ELMO2: variants seen among roughly 807,000 people sequenced by gnomAD.
The protein encoded by ELMO2 is engulfment and cell motility 2.
ELMO2 carries 37 observed loss-of-function variants against 96.2 expected under a neutral mutation model. The observed-to-expected ratio is 0.38, with a 90% CI of 0.30 to 0.51. The LOEUF is 0.51. Among genes scored for constraint, ELMO2 ranks in the 20% least tolerant of loss-of-function variants. The pLI is 0.88. For missense variants in ELMO2, 561 were observed against 912.6 expected, an observed-to-expected ratio of 0.61 and a Z score of 4.96; for synonymous variants, 315 against 329.4, an observed-to-expected ratio of 0.96 and a Z score of 0.47.
chr20:46,373,635 G>T (rs1902356139), intron 15 of ELMO2, 100 bp from the exon 16 acceptor site: 2 of 1,475,824 alleles, frequency 1.4e-6, no homozygotes, highest in African/African-American at 1.4e-5. Context: ...AGGAACAAAA[G>T]CAGCCTAAGG....
intron 1 of ELMO2, among the ~76,000 whole-genome samples, chr20:46,403,821 C>T (rs149899705): frequency 1.3e-5 from 2 of 152,192 alleles, no homozygotes; most frequent in African/African-American, 2.4e-5. Context: ...CCGTGGCTCA[C>T]GCCTGTAATC....
chr20:46,390,758 G>A (rs1280479690), intron 6 of ELMO2: 1 of 152,206 alleles, frequency 6.6e-6, no homozygotes, highest in African/African-American at 2.4e-5. Flanking sequence ...TGTTAAGCAA[G>A]TGACTGGAGC....
chr20:46,387,598 T>A, intron 7 of ELMO2, 161 bp from the exon 8 acceptor site: 1 of 393,634 alleles, frequency 2.5e-6, no homozygotes, highest in South Asian at 7.2e-5. Context: ...ACCTAGCCAG[T>A]GTAGAGCAGA....
chr20:46,371,428 G>A lies in ELMO2; in HGVS notation c.1725C>T (p.Asn575=). ...AGTCACCATAGTGAAGGACCTTGTGGTTCAGTGCCAACCGGCAGTACCAGA... is the reference window on the plus strand; with the variant it reads ...AGTCACCATAGTGAAGGACCTTGTGATTCAGTGCCAACCGGCAGTACCAGA... ...ERFWYCRLAL[N]HKVLHYGDLD... is the part of the protein sequence containing the mutation. Residue 575 remains asparagine (N), a synonymous_variant, in exon 19 of 22, where the codon AAC becomes AAT. Transcript: ENST00000290246. The surrounding 1 kb of genome is among the most constrained non-coding windows in gnomAD (Gnocchi z 5.9). The A allele has an allele frequency of 1.2e-6, 2 of 1,614,244 alleles. No homozygotes were observed. The highest frequency in any genetic ancestry group is 1.1e-5 in the South Asian group (1 of 91,088).
intron 1 of ELMO2, among the ~76,000 whole-genome samples, chr20:46,404,463 C>CAGATAGAGATTAGG (rs2145867133): frequency 6.6e-6 from 1 of 152,316 alleles, no homozygotes; most frequent in African/African-American, 2.4e-5. Flanking sequence ...TGAAGATGAA[C>CAGATAGAGATTAGG]AGATAGAGGT....
intron 10 of ELMO2, among the ~76,000 whole-genome samples, chr20:46,382,601 A>T (rs1435653128): frequency 1.3e-5 from 2 of 152,250 alleles, no homozygotes; most frequent in Non-Finnish European, 2.9e-5. Flanking sequence ...GAGACCCAAA[A>T]AGAGGTTACA....
At chr20:46,370,843 G>T (rs1390006632) in intron 19 of ELMO2, among the ~76,000 whole-genome samples, 3 of 152,086 alleles carry the variant, frequency 2.0e-5, no homozygotes, top group African/African-American at 4.8e-5. Flanking sequence ...CAATAATGGC[G>T]ATGATGATGC....
intron 19 of ELMO2, 89 bp from the exon 20 acceptor site, chr20:46,370,614 G>A: frequency 8.1e-7 from 1 of 1,235,098 alleles, no homozygotes; most frequent in African/African-American, 1.5e-5. Flanking sequence ...TACTGGGGCA[G>A]ATGCATAGGA....
intron 6 of ELMO2, among the ~76,000 whole-genome samples, chr20:46,390,036 C>G (rs546167090): frequency 6.6e-6 from 1 of 151,830 alleles, no homozygotes; most frequent in Admixed American, 6.6e-5. Context: ...GCCTGTAATC[C>G]CAGCTACTCA....
chr20:46,391,597 A>G (rs1253093709), intron 6 of ELMO2, among the ~76,000 whole-genome samples: 1 of 152,098 alleles, frequency 6.6e-6, no homozygotes, highest in African/African-American at 2.4e-5. Context: ...TGTCTTCTTC[A>G]TGGGCCTAGC....
chr20:46,404,773 T>G (rs1052945945), intron 1 of ELMO2, among the ~76,000 whole-genome samples: 2 of 152,226 alleles, frequency 1.3e-5, no homozygotes, highest in Admixed American at 1.3e-4. Flanking sequence ...GTTTTAATAT[T>G]GATTATGTTA....
At chr20:46,369,954 G>A in intron 20 of ELMO2, 1 of 223,078 alleles carries the variant, frequency 4.5e-6, no homozygotes. Flanking sequence ...GACAAGATGG[G>A]TATGGGGGTG....
intron 10 of ELMO2, among the ~76,000 whole-genome samples, chr20:46,382,842 G>A (rs2059980700): frequency 6.6e-6 from 1 of 152,230 alleles, no homozygotes; most frequent in Admixed American, 6.5e-5. Context: ...TAATGTCACA[G>A]TTAATGAACA....
intron 1 of ELMO2, among the ~76,000 whole-genome samples, chr20:46,399,999 T>G (rs2060309445): frequency 6.6e-6 from 1 of 152,090 alleles, no homozygotes; most frequent in Non-Finnish European, 1.5e-5. Context: ...TAGCTGGGCA[T>G]GGTGGCGTGT....
At chr20:46,370,590 T>C in intron 19 of ELMO2, 65 bp from the exon 20 acceptor site, 1 of 1,480,136 alleles carries the variant, frequency 6.8e-7, no homozygotes, top group Non-Finnish European at 9.4e-7. Context: ...CCTACATCAG[T>C]GCTGGAAGGG....
chr20:46,369,836 T>C (rs2059659822), intron 20 of ELMO2: 1 of 186,620 alleles, frequency 5.4e-6, no homozygotes, highest in Non-Finnish European at 1.0e-5. Context: ...AAACAAGCAA[T>C]CTGGTTCTTC....
rs577136832 is a variant in ELMO2, at chr20:46,398,260, A to G, written c.-51+437T>C. Among the ~76,000 whole-genome samples the G allele has an allele frequency of 7.9e-5, 12 of 152,314 alleles. No homozygotes were observed. In the South Asian group the frequency reaches 2.1e-3, roughly 26 times the overall value. ...AACAGATCGGTTATATGGTAACTTC[A>G]TAGTAATCATATATCTAGTAGTAAC... On this transcript the variant is annotated intron_variant, in intron 2 of 21. Coordinates refer to ENST00000290246, the MANE Select transcript of ELMO2 (RefSeq NM_133171.5).
intron 16 of ELMO2, 86 bp downstream of exon 16, chr20:46,373,313 G>T: frequency 6.4e-7 from 1 of 1,566,752 alleles, no homozygotes; most frequent in Non-Finnish European, 8.7e-7. Context: ...TCCAGCTCAG[G>T]GATTCTCCAG....
At chr20:46,373,834 A>C (rs2145773537) in intron 15 of ELMO2, among the ~76,000 whole-genome samples, 1 of 152,274 alleles carries the variant, frequency 6.6e-6, no homozygotes, top group African/African-American at 2.4e-5. Flanking sequence ...ATTCCCATAA[A>C]TAAGGATAAG....
Sources: gnomAD v4.1 joint callset for allele counts (sites outside exome capture counted in the v4.1 genomes callset) on GRCh38, gnomAD v4.1.1 for gene constraint, Gnocchi (gnomAD v3.1) non-coding constraint, MANE v1.5 for transcripts, NCBI Gene and HGNC (gene_info 2026-07-23, HGNC 2026-07-21) for gene names.